The following LRBA variants were observed in gnomAD, a reference collection of about 807,000 sequenced individuals.
LRBA encodes lipopolysaccharide-responsive and beige-like anchor protein.
A neutral mutation model predicts 330.0 loss-of-function variants in LRBA; 176 were observed. The observed-to-expected ratio is 0.53, with a 90% CI of 0.47 to 0.60. The LOEUF (loss-of-function observed/expected upper bound fraction) is 0.60. Ranked by LOEUF, LRBA falls within the 20% of genes least tolerant of loss-of-function variation. The pLI, the probability that LRBA is intolerant of heterozygous loss-of-function variation, is 0.00. For missense variants in LRBA, 3,259 were observed against 3,444.8 expected, an observed-to-expected ratio of 0.95 and a Z score of 1.35; for synonymous variants, 1,230 against 1,193.0, an observed-to-expected ratio of 1.03 and a Z score of -0.64.
intron 46 of LRBA, among the ~76,000 whole-genome samples, chr4:150,425,471 G>A (rs1386760959): frequency 6.6e-6 from 1 of 152,172 alleles, no homozygotes; most frequent in African/African-American, 2.4e-5. Flanking sequence ...AAATTTGAAA[G>A]GTTCAACCAG....
chr4:150,642,467 T>C (rs1361497391), intron 37 of LRBA, among the ~76,000 whole-genome samples: 2 of 151,806 alleles, frequency 1.3e-5, no homozygotes, highest in Non-Finnish European at 3.0e-5. Flanking sequence ...AACAGTAACA[T>C]GTGAAATGAT....
intron 37 of LRBA, among the ~76,000 whole-genome samples, chr4:150,627,944 T>C (rs974236095): frequency 3.9e-5 from 6 of 152,124 alleles, no homozygotes; most frequent in Non-Finnish European, 7.4e-5. Context: ...TATGACACTA[T>C]ACTAAATTTT....
chr4:150,273,961 A>G lies in LRBA; in HGVS notation c.8468+3892T>C, dbSNP rs549849359. Among the ~76,000 whole-genome samples, 111 of 152,314 alleles carry G rather than the reference A, an allele frequency of 7.3e-4. 2 individuals carry two copies. The South Asian group carries it at 0.019, about 26-fold the overall frequency. ...ACTCAGCTCTGGACCAAGCAGACCT[A>G]ACAGACATCTACAGAAATCTCCACC... On this transcript the variant is annotated intron_variant, in intron 56 of 56. Coordinates refer to ENST00000651943, the MANE Select transcript of LRBA (RefSeq NM_001364905.1).
chr4:150,378,989 A>G (rs201318000), intron 47 of LRBA, among the ~76,000 whole-genome samples: 3 of 152,264 alleles, frequency 2.0e-5, no homozygotes, highest in East Asian at 3.9e-4. Context: ...GACACTAACA[A>G]TAAGCCACTA....
intron 53 of LRBA, among the ~76,000 whole-genome samples, chr4:150,300,897 C>T (rs925464360): frequency 2.6e-5 from 4 of 151,962 alleles, no homozygotes; most frequent in South Asian, 2.1e-4. Context: ...TTGGTAATGA[C>T]GGTGTATAAC....
rs1736756807 is a variant in LRBA, at chr4:150,348,828, TG to T, written c.7362+1163del. The stretch of plus-strand genomic sequence containing the variant: ...CCAACAATAAAACTATGCAGTGTTT[TG>T]TAACACTACCTGTATGTTGCTCTCA... On this transcript the variant is annotated intron_variant, in intron 48 of 56. Coordinates refer to ENST00000651943, the MANE Select transcript of LRBA (RefSeq NM_001364905.1). 6.6e-5 allele frequency among the ~76,000 whole-genome samples: 10 copies of T among 152,324 alleles called. 1 individual carries two copies. The South Asian group carries it at 2.1e-3, about 32-fold the overall frequency.
intron 48 of LRBA, among the ~76,000 whole-genome samples, chr4:150,346,780 A>G (rs986771298): frequency 1.1e-4 from 17 of 148,096 alleles, no homozygotes; most frequent in Admixed American, 2.7e-4. Flanking sequence ...AAAAAAAAAA[A>G]AAAAAAACAC....
intron 40 of LRBA, among the ~76,000 whole-genome samples, chr4:150,502,463 G>A (rs899982549): frequency 6.6e-6 from 1 of 152,168 alleles, no homozygotes; most frequent in East Asian, 1.9e-4. Flanking sequence ...CATAATTACT[G>A]GGCCTGTAAA....
intron 35 of LRBA, among the ~76,000 whole-genome samples, chr4:150,756,565 T>C (rs751720127): frequency 3.0e-4 from 45 of 152,328 alleles, no homozygotes; most frequent in Admixed American, 5.2e-4. Flanking sequence ...ATTAAATATA[T>C]CTTTCAATTC....
chr4:151,007,708 T>G (rs1220085366), intron 2 of LRBA, among the ~76,000 whole-genome samples: 1 of 138,270 alleles, frequency 7.2e-6, no homozygotes, highest in East Asian at 2.3e-4. Flanking sequence ...ATACAAAAAA[T>G]TAGCCAGGCG....
intron 36 of LRBA, among the ~76,000 whole-genome samples, chr4:150,717,803 G>C (rs2127066380): frequency 6.6e-6 from 1 of 151,548 alleles, no homozygotes; most frequent in South Asian, 2.1e-4. Context: ...ACTGAAGCTA[G>C]CAACAAGTGA....
chr4:150,844,669 A>C lies in LRBA; in HGVS notation c.4450T>G (p.Ser1484Ala). The C allele has an allele frequency of 6.2e-7, 1 of 1,612,276 alleles. No homozygotes were observed. Among genetic ancestry groups the C allele is most frequent in the Non-Finnish European group, 8.5e-7 (1 of 1,179,170 alleles). ...ATCTGTATACTTACCTTCGCTGCAG[A>C]TTTCCCTAAAGGAATAAGGCTATGC... ...PMHSLIPLGK[S>A]AAKSPVDIVT... Residue 1484 changes from serine (S) to alanine (A), a missense_variant, in exon 27 of 57, where the codon TCT becomes GCT. Physicochemically the swap from Ser to Ala is moderately conservative, Grantham distance 99. Transcript: ENST00000651943.
intron 2 of LRBA, 48 bp downstream of exon 2, chr4:151,014,379 C>A: frequency 6.7e-7 from 1 of 1,487,928 alleles, no homozygotes; most frequent in South Asian, 1.2e-5. Context: ...ATCTTGTTCC[C>A]CAACCCACTG....
intron 2 of LRBA, among the ~76,000 whole-genome samples, chr4:150,943,642 CTGTT>C (rs1735916017): frequency 6.6e-6 from 1 of 152,126 alleles, no homozygotes. Context: ...TTAACTCAAC[CTGTT>C]TGTTTTTTCA....
chr4:150,867,966 G>A lies in LRBA; in HGVS notation c.2574-103C>T, dbSNP rs550423764. The A allele has an allele frequency of 8.3e-4, 848 of 1,024,914 alleles. 1 individual carries two copies. Among genetic ancestry groups the A allele is most frequent in the Middle Eastern group, 4.7e-3 (14 of 3,010 alleles). The allele number at this position is 1,024,914 out of a possible 1,614,324, so 63.5% of individuals were successfully genotyped here. On this transcript the variant is annotated intron_variant, in intron 21 of 56. Coordinates refer to ENST00000651943, the MANE Select transcript of LRBA (RefSeq NM_001364905.1). ...TAACCCTGCCCCTCCCTTTCCCCCC[G>A]AAAAAGAAACACATTTAGTTATACA...
At chr4:150,743,639 G>T (rs1485384531) in intron 35 of LRBA, among the ~76,000 whole-genome samples, 1 of 152,134 alleles carries the variant, frequency 6.6e-6, no homozygotes, top group Admixed American at 6.6e-5. Flanking sequence ...AGCACAACTA[G>T]GCCCATTTGT....
At chr4:150,901,549 C>T (rs1352860210) in intron 13 of LRBA, among the ~76,000 whole-genome samples, 1 of 152,132 alleles carries the variant, frequency 6.6e-6, no homozygotes, top group Non-Finnish European at 1.5e-5. Context: ...ACAATGAGGG[C>T]ATTTTCCTTT....
chr4:150,431,653 ATT>A (rs893736079), intron 46 of LRBA, among the ~76,000 whole-genome samples: 19 of 151,718 alleles, frequency 1.3e-4, no homozygotes, highest in African/African-American at 4.3e-4. Flanking sequence ...ATTAAAATTA[ATT>A]TTTTTTTACT....
At position 150,583,050 on chromosome 4, in the gene LRBA, G is replaced by A; in HGVS notation, c.6330+4998C>T. 6.2e-7 allele frequency: 1 copy of A among 1,605,992 alleles called. No individual in the cohort carries two copies. The highest frequency in any genetic ancestry group is 1.1e-5 in the South Asian group (1 of 90,278). ...CCAACATGATCGCCGCTCAGGCCAA[G>A]CTGGTTTACCAGCTCAATAAGTACT... On this transcript the variant is annotated intron_variant, in intron 40 of 56. Coordinates refer to ENST00000651943, the MANE Select transcript of LRBA (RefSeq NM_001364905.1). This position sits in a 1 kb window ranked among gnomAD's most constrained non-coding sequence, Gnocchi z 9.8.
Sources: gnomAD v4.1 joint callset for allele counts (sites outside exome capture counted in the v4.1 genomes callset) on GRCh38, gnomAD v4.1.1 for gene constraint, Gnocchi (gnomAD v3.1) non-coding constraint, MANE v1.5 for transcripts, NCBI Gene and HGNC (gene_info 2026-07-23, HGNC 2026-07-21) for gene names.